Variants in C12orf76 observed in about 807,000 individuals in gnomAD.
C12orf76 encodes chromosome 12 open reading frame 76, also known as uncharacterized protein C12orf76.
A neutral mutation model predicts 6.8 loss-of-function variants in C12orf76; 6 were observed. The observed-to-expected ratio is 0.88, with a 90% CI of 0.48 to 1.73. C12orf76 has a LOEUF of 1.73. Ranked by LOEUF, C12orf76 falls within the 40% of genes most tolerant of loss-of-function variation. The pLI, the probability that C12orf76 is intolerant of heterozygous loss-of-function variation, is 0.01. For missense variants in C12orf76, 99 were observed against 98.2 expected (o/e 1.01, Z -0.03); for synonymous variants, 56 against 43.7 (o/e 1.28, Z -1.11).
chr12:110,056,069 T>C (rs935719316), intron 4 of C12orf76, among the ~76,000 whole-genome samples: 2 of 138,270 alleles, frequency 1.4e-5, no homozygotes, highest in Non-Finnish European at 3.1e-5. Flanking sequence ...CCAGACTCTA[T>C]CTCAAAAAAA....
intron 4 of C12orf76, among the ~76,000 whole-genome samples, chr12:110,055,646 G>A (rs1459903925): frequency 6.6e-6 from 1 of 152,138 alleles, no homozygotes; most frequent in Non-Finnish European, 1.5e-5. Flanking sequence ...GGGGAGACCG[G>A]AGTTTTATTA....
rs551331505 is a variant in C12orf76, at chr12:110,055,616, T to C, written n.664+1573A>G. ...GGGAATTGCAATAGAAGAAGAGTAATTCGTGCAGAGCCAGCTGTGGGGGAG... is the reference window on the plus strand; with the variant it reads ...GGGAATTGCAATAGAAGAAGAGTAACTCGTGCAGAGCCAGCTGTGGGGGAG... On this transcript the variant is annotated intron_variant and non_coding_transcript_variant, in intron 4 of 4. Transcript: ENST00000309050. Among the ~76,000 whole-genome samples, 252 of 152,256 alleles carry C rather than the reference T, an allele frequency of 1.7e-3. 1 individual carries two copies. The highest frequency in any genetic ancestry group is 5.7e-3 in the African/African-American group (235 of 41,550).
chr12:110,067,430 C>A, intron 1 of C12orf76: 1 of 985,402 alleles, frequency 1.0e-6, no homozygotes, highest in Non-Finnish European at 1.2e-6. Context: ...TTCAGAAATC[C>A]CTGGAATTTC....
intron 1 of C12orf76, chr12:110,042,721 C>A: frequency 1.6e-6 from 1 of 633,584 alleles, no homozygotes; most frequent in East Asian, 2.7e-5. Flanking sequence ...GGGTGGGCAG[C>A]AAGAAGGGGG....
At chr12:110,064,170 A>C (rs1199136101) in intron 2 of C12orf76, among the ~76,000 whole-genome samples, 1 of 152,118 alleles carries the variant, frequency 6.6e-6, no homozygotes, top group African/African-American at 2.4e-5. Flanking sequence ...CCCCTATTGT[A>C]TGGGTCAAAG....
At chr12:110,055,362 A>G (rs1210298937) in intron 4 of C12orf76, among the ~76,000 whole-genome samples, 1 of 151,932 alleles carries the variant, frequency 6.6e-6, no homozygotes, top group Non-Finnish European at 1.5e-5. Flanking sequence ...ATGCGCCGCC[A>G]CACCCAGCTA....
In C12orf76 at chr12:110,054,970, C is replaced by T. The variant is rs557506929; in HGVS notation, n.664+2219G>A. ...CTGCAGGTGCAGCCACTGTGCCTGG[C>T]TGCAGGGTGTTTATAAAGGGAAAGG... On this transcript the variant is annotated intron_variant and non_coding_transcript_variant, in intron 4 of 4. Coordinates refer to the C12orf76 transcript ENST00000309050. The surrounding 1 kb of genome is among the most constrained non-coding windows in gnomAD (Gnocchi z 4.4). 6.6e-6 allele frequency among the ~76,000 whole-genome samples: 1 copy of T among 151,990 alleles called. No individual in the cohort carries two copies. Among genetic ancestry groups the T allele is most frequent in the African/African-American group, 2.4e-5 (1 of 41,452 alleles).
chr12:110,070,120 T>C (rs762808061), upstream of C12orf76, among the ~76,000 whole-genome samples: 8 of 151,016 alleles, frequency 5.3e-5, no homozygotes, highest in South Asian at 2.1e-4. Flanking sequence ...GCGTGGTGGT[T>C]CCAGCTACTC....
intron 2 of C12orf76, among the ~76,000 whole-genome samples, chr12:110,059,784 GCTGTGAGTT>G (rs752996043): frequency 1.2e-4 from 18 of 152,162 alleles, no homozygotes; most frequent in Non-Finnish European, 2.5e-4. Context: ...TAGGATGGAG[GCTGTGAGTT>G]TGAAGAAGAG....
upstream of C12orf76, among the ~76,000 whole-genome samples, chr12:110,051,904 CTTTTTTTTTTT>C (rs567991255): frequency 0.029 from 2,926 of 100,842 alleles, 136 homozygotes; most frequent in African/African-American, 0.099. Flanking sequence ...GGCAGCTACT[CTTTTTTTTTTT>C]TTTTTTTTTT....
chr12:110,060,871 A>G (rs1027632987), intron 2 of C12orf76, among the ~76,000 whole-genome samples: 5 of 152,038 alleles, frequency 3.3e-5, no homozygotes, highest in African/African-American at 4.8e-5. Flanking sequence ...CCCAATCTCT[A>G]CTAAAAATAC....
chr12:110,049,024 C>G (rs1892527418), upstream of C12orf76: 1 of 152,374 alleles, frequency 6.6e-6, no homozygotes, highest in African/African-American at 2.4e-5. Flanking sequence ...TCACTTTAGA[C>G]TCATCACCAT....
In C12orf76 at chr12:110,041,990, TA is replaced by T; in HGVS notation, c.*383del. On this transcript the variant is annotated 3_prime_UTR_variant, in exon 2 of 2. Coordinates refer to ENST00000615315, the MANE Select transcript of C12orf76 (RefSeq NM_001389625.1). Reference sequence around the variant, plus strand: ...TCTTAAATAGGGAATGTCTGCATGGTAAGTCTCCTTCTTAATAACATTTTCA... The same window carrying T: ...TCTTAAATAGGGAATGTCTGCATGGTAGTCTCCTTCTTAATAACATTTTCA... 1 of 193,398 alleles carries T rather than the reference TA, an allele frequency of 5.2e-6. No homozygotes were observed. The highest frequency in any genetic ancestry group is 1.1e-5 in the Non-Finnish European group (1 of 92,908). 12.0% of individuals were successfully genotyped at this position (193,398 alleles called of 1,614,324 possible). A position where few individuals can be genotyped will look rare whatever the true frequency, so the allele number is the denominator to read the frequency against.
intron 1 of C12orf76, among the ~76,000 whole-genome samples, chr12:110,046,953 A>G (rs1168543767): frequency 6.6e-6 from 1 of 152,122 alleles, no homozygotes; most frequent in African/African-American, 2.4e-5. Flanking sequence ...ACATGTCGTA[A>G]TATCCAGGTT....
upstream of C12orf76, chr12:110,048,801 G>T: frequency 2.6e-6 from 1 of 377,746 alleles, no homozygotes; most frequent in Non-Finnish European, 4.1e-6. Context: ...AGGTCTTGTA[G>T]GTCCATTTGG....
chr12:110,042,411 A>T lies in C12orf76; in HGVS notation c.182T>A (p.Met61Lys), dbSNP rs1349630628. The change falls in exon 2 of 2, where the codon ATG becomes AAG. Residue 61 changes from methionine (M) to lysine (K), a missense_variant. By Grantham distance (95) the Met-to-Lys change is moderately conservative. Coordinates refer to ENST00000615315, the MANE Select transcript of C12orf76 (RefSeq NM_001389625.1). The part of the protein sequence containing the change: ...FSILLVTVIL[M>K]AFCVYKPIRR... Reference sequence around the variant, plus strand: ...AATGGGCTTGTAGACACAAAATGCCATAAGGATGACAGTCACCAGCAGGAT... The same window carrying T: ...AATGGGCTTGTAGACACAAAATGCCTTAAGGATGACAGTCACCAGCAGGAT... 3 of 1,614,098 alleles carry T rather than the reference A, an allele frequency of 1.9e-6. No individual in the cohort carries two copies. The highest frequency in any genetic ancestry group is 2.7e-5 in the African/African-American group (2 of 74,942).
intron 1 of C12orf76, among the ~76,000 whole-genome samples, chr12:110,066,966 G>A (rs1593251874): frequency 6.6e-6 from 1 of 152,322 alleles, no homozygotes; most frequent in East Asian, 1.9e-4. Context: ...CCCCAGTGGA[G>A]GCTAACTGGG....
Position 110,042,292 on chromosome 12 carries a change from T to C in C12orf76, c.*82A>G. The C allele has an allele frequency of 8.8e-7, 1 of 1,139,200 alleles. No individual in the cohort carries two copies. Among genetic ancestry groups the C allele is most frequent in the Non-Finnish European group, 1.3e-6 (1 of 753,544 alleles). 70.6% of individuals were successfully genotyped at this position (1,139,200 alleles called of 1,614,324 possible). A position where few individuals can be genotyped will look rare whatever the true frequency, so the allele number is the denominator to read the frequency against. Reference sequence around the variant, plus strand: ...AAAGGTCATTTCCAAGTAGGAAAGTTTTGGTTCCAACTTCTCCACTGGCCT... The same window carrying C: ...AAAGGTCATTTCCAAGTAGGAAAGTCTTGGTTCCAACTTCTCCACTGGCCT... On this transcript the variant is annotated 3_prime_UTR_variant, in exon 2 of 2. Coordinates refer to ENST00000615315, the MANE Select transcript of C12orf76 (RefSeq NM_001389625.1).
chr12:110,058,751 T>C (rs984339269), intron 3 of C12orf76, among the ~76,000 whole-genome samples: 1 of 152,214 alleles, frequency 6.6e-6, no homozygotes, highest in Non-Finnish European at 1.5e-5. Flanking sequence ...TGGCTCAAGC[T>C]AAGAGGTACA....
Sources: allele counts gnomAD v4.1 joint callset (sites outside exome capture counted in the v4.1 genomes callset), GRCh38; gene constraint gnomAD v4.1.1; non-coding constraint Gnocchi (gnomAD v3.1); transcripts MANE v1.5; gene names NCBI Gene and HGNC (gene_info 2026-07-23, HGNC 2026-07-21).